The following HERC2 variants were observed in gnomAD, a reference collection of about 807,000 sequenced individuals.
HERC2 encodes the protein HECT and RLD domain containing E3 ubiquitin protein ligase 2.
HERC2 carries 102 observed loss-of-function variants against 537.7 expected under a neutral mutation model. The observed-to-expected ratio is 0.19, with a 90% CI of 0.16 to 0.22. HERC2 has a LOEUF of 0.22. HERC2 is among the 10% of genes least tolerant of loss of function. The pLI, the probability that HERC2 is intolerant of heterozygous loss-of-function variation, is 1.00. For missense variants in HERC2, 4,236 were observed against 6,198.2 expected, an observed-to-expected ratio of 0.68 and a Z score of 10.63; for synonymous variants, 2,224 against 2,466.2, an observed-to-expected ratio of 0.90 and a Z score of 2.91.
chr15:28,266,346 T>C lies in HERC2; in HGVS notation c.1599-372A>G, dbSNP rs894737311. 6.6e-5 allele frequency among the ~76,000 whole-genome samples: 10 copies of C among 152,142 alleles called. No individual in the cohort carries two copies. In the East Asian group the frequency reaches 1.7e-3, roughly 27 times the overall value. On this transcript the variant is annotated intron_variant, in intron 12 of 92. Transcript: ENST00000261609. The stretch of plus-strand genomic sequence containing the variant: ...GCCTGGCTAACATGGTGAAATCCCG[T>C]CTCTACTAAAAATACAAAATTAGGT...
intron 5 of HERC2, among the ~76,000 whole-genome samples, chr15:28,276,192 CAAAAAAAAAAAAA>C (rs11359639): frequency 4.3e-5 from 3 of 70,106 alleles, no homozygotes; most frequent in East Asian, 4.9e-4. Context: ...TCTCAAAAAA[CAAAAAAAAAAAAA>C]AAAAAAAAAA....
intron 90 of HERC2, among the ~76,000 whole-genome samples, 189 bp downstream of exon 90, chr15:28,114,423 G>A (rs1308270574): frequency 6.6e-6 from 1 of 152,194 alleles, no homozygotes; most frequent in Non-Finnish European, 1.5e-5. Flanking sequence ...GTTAGAGCCA[G>A]GAATGTCAGA....
chr15:28,137,280 G>A (rs190360831), intron 78 of HERC2, among the ~76,000 whole-genome samples: 1 of 152,282 alleles, frequency 6.6e-6, no homozygotes, highest in African/African-American at 2.4e-5. Context: ...CTAGCAGTCT[G>A]CCTCTGATAC....
intron 23 of HERC2, among the ~76,000 whole-genome samples, chr15:28,244,674 G>C (rs945778899): frequency 1.3e-5 from 2 of 152,156 alleles, no homozygotes; most frequent in African/African-American, 2.4e-5. Context: ...TGATAGTAGA[G>C]AGACAAAATA....
chr15:28,130,076 GC>G, intron 83 of HERC2, 86 bp downstream of exon 83: 2 of 1,523,118 alleles, frequency 1.3e-6, no homozygotes, highest in African/African-American at 1.4e-5. Context: ...CCTGGCCTGT[GC>G]CCCCTTTTAA....
chr15:28,273,076 A>G, intron 7 of HERC2, 72 bp from the exon 8 acceptor site: 1 of 1,015,732 alleles, frequency 9.8e-7, no homozygotes, highest in African/African-American at 1.6e-5. Flanking sequence ...TCACACTAAC[A>G]CATTTACTAC....
Position 28,136,004 on chromosome 15 carries a change from CAATTT to C in HERC2, c.12016-317_12016-313del, listed in dbSNP as rs567849271. On this transcript the variant is annotated intron_variant, in intron 78 of 92. Coordinates refer to ENST00000261609, the MANE Select transcript of HERC2 (RefSeq NM_004667.6). ...AATTAACACCAAGAAAAATAAAAAA[CAATTT>C]AATTATCTACTATATGCAAAACTCT... Among the ~76,000 whole-genome samples, 79 of 152,066 alleles carry C rather than the reference CAATTT, an allele frequency of 5.2e-4. No individual in the cohort carries two copies. The East Asian group carries it at 9.7e-3, about 19-fold the overall frequency.
intron 70 of HERC2, among the ~76,000 whole-genome samples, chr15:28,150,603 C>T (rs1218144389): frequency 6.6e-6 from 1 of 150,630 alleles, no homozygotes; most frequent in African/African-American, 2.5e-5. Flanking sequence ...AATGGCCACA[C>T]GAACGTACAT....
At chr15:28,219,806 C>T (rs1310425128) in intron 37 of HERC2, among the ~76,000 whole-genome samples, 1 of 152,162 alleles carries the variant, frequency 6.6e-6, no homozygotes, top group African/African-American at 2.4e-5. Context: ...GATGGTATTA[C>T]CAAACCCAGC....
intron 3 of HERC2, among the ~76,000 whole-genome samples, chr15:28,296,588 GA>G (rs2076475470): frequency 6.7e-6 from 1 of 149,424 alleles, no homozygotes; most frequent in African/African-American, 2.5e-5. Context: ...TTGTTTCACA[GA>G]AAACACTTTG....
At chr15:28,150,263 C>T (rs371121930) in intron 70 of HERC2, among the ~76,000 whole-genome samples, 18 of 151,748 alleles carry the variant, frequency 1.2e-4, no homozygotes, top group South Asian at 1.0e-3. Context: ...AAGAAACACA[C>T]GCGGCTTCTA....
chr15:28,194,838 C>T (rs1952572963), intron 52 of HERC2, among the ~76,000 whole-genome samples: 2 of 151,928 alleles, frequency 1.3e-5, no homozygotes, highest in African/African-American at 2.4e-5. Context: ...GGTGGATCAC[C>T]TGAGGTCAGG....
rs540923767 is a variant in HERC2 at position 28,163,193 on chromosome 15, C to T, written c.10647G>A (p.Val3549=). The change falls in exon 69 of 93, where the codon GTG becomes GTA. Residue 3549 remains valine, a synonymous_variant. Coordinates refer to ENST00000261609, the MANE Select transcript of HERC2 (RefSeq NM_004667.6). ...SLLIADDTRV[V]VDLLKLSVCS... is the part of the protein sequence containing the mutation. ...ACACTGACAGCTTGAGCAGGTCTAC[C>T]ACCACACGAGTGTCATCCGCAATCA... The T allele has an allele frequency of 2.9e-5, 46 of 1,613,836 alleles. 1 individual carries two copies. The South Asian group carries it at 5.1e-4, about 18-fold the overall frequency.
chr15:28,321,841 C>A (rs1291056436), intron 1 of HERC2, among the ~76,000 whole-genome samples: 6 of 145,184 alleles, frequency 4.1e-5, no homozygotes, highest in Non-Finnish European at 5.9e-5. Context: ...CCGCTTTACC[C>A]CACAGCAGGG....
chr15:28,130,143 G>A lies in HERC2; in HGVS notation c.12802+20C>T, dbSNP rs371488415. ...TTAGATTCACAGGCCTCAGTCCTGC[G>A]GCACTGAGCCCCTACCTACCATCCT... On this transcript the variant is annotated intron_variant, in intron 83 of 92. Transcript: ENST00000261609. 9.6e-5 allele frequency: 155 copies of A among 1,613,108 alleles called. No homozygotes were observed. The highest frequency in any genetic ancestry group is 1.2e-4 in the Non-Finnish European group (141 of 1,179,294).
At chr15:28,185,560 G>A (rs1479427594) in intron 56 of HERC2, among the ~76,000 whole-genome samples, 1 of 152,196 alleles carries the variant, frequency 6.6e-6, no homozygotes, top group Non-Finnish European at 1.5e-5. Flanking sequence ...TGCTGGGATG[G>A]TAAACAAGGC....
intron 56 of HERC2, among the ~76,000 whole-genome samples, chr15:28,183,350 T>C (rs1266830980): frequency 6.6e-6 from 1 of 151,972 alleles, no homozygotes; most frequent in Non-Finnish European, 1.5e-5. Context: ...GCTGGCACTA[T>C]AGGCCTGCAC....
At chr15:28,119,876 TAA>T (rs1888693227) in intron 86 of HERC2, among the ~76,000 whole-genome samples, 1 of 152,174 alleles carries the variant, frequency 6.6e-6, no homozygotes, top group African/African-American at 2.4e-5. Context: ...AATGACTTCT[TAA>T]AAATTTCAGA....
chr15:28,196,083 C>T lies in HERC2; in HGVS notation c.8260+132G>A, dbSNP rs892268311. 8 of 669,306 alleles carry T rather than the reference C, an allele frequency of 1.2e-5. No individual in the cohort carries two copies. The Admixed American group carries it at 2.3e-4, about 19-fold the overall frequency. 41.5% of individuals were successfully genotyped at this position (669,306 alleles called of 1,614,324 possible). On this transcript the variant is annotated intron_variant, in intron 52 of 92. Coordinates refer to ENST00000261609, the MANE Select transcript of HERC2 (RefSeq NM_004667.6). ...CAGCGGGTAGGACCGTCACTTCCGTCTCACTGTACTCACTCTACAGAATTA... is the reference window on the plus strand; with the variant it reads ...CAGCGGGTAGGACCGTCACTTCCGTTTCACTGTACTCACTCTACAGAATTA...
Sources: allele counts gnomAD v4.1 joint callset (sites outside exome capture counted in the v4.1 genomes callset), GRCh38; gene constraint gnomAD v4.1.1; transcripts MANE v1.5; gene names NCBI Gene and HGNC (gene_info 2026-07-23, HGNC 2026-07-21).